The following ADAD1 variants were observed in gnomAD, a reference collection of about 807,000 sequenced individuals.
The protein encoded by ADAD1 is adenosine deaminase domain-containing protein 1.
A neutral mutation model predicts 66.8 loss-of-function variants in ADAD1; 46 were observed. The observed-to-expected ratio is 0.69, with a 90% CI of 0.54 to 0.88. ADAD1 has a LOEUF of 0.88. Among genes scored for constraint, ADAD1 ranks in the 40% least tolerant of loss-of-function variants. The pLI is 0.00. For synonymous variants in ADAD1, 248 were observed against 229.4 expected, an observed-to-expected ratio of 1.08 and a Z score of -0.73; for missense variants, 617 against 681.8, an observed-to-expected ratio of 0.91 and a Z score of 1.06.
intron 12 of ADAD1, among the ~76,000 whole-genome samples, chr4:122,429,047 T>C (rs763165597): frequency 6.6e-6 from 1 of 152,152 alleles, no homozygotes; most frequent in South Asian, 2.1e-4. Flanking sequence ...TTACCGATAA[T>C]TTTTATTTCC....
In ADAD1 at chr4:122,415,537, A is replaced by G. The variant is rs765544923; in HGVS notation, c.1408A>G (p.Lys470Glu). The change falls in exon 11 of 13, where the codon AAA (lysine) becomes GAA (glutamate). Residue 470 changes from lysine to glutamate, a missense_variant. Transcript: ENST00000296513. The part of the protein sequence containing the change: ...AYPLQMNLEY[K>E]FLSLNWAQGD... The stretch of plus-strand genomic sequence containing the variant: ...TCCCCTTCAAATGAACTTGGAATAT[A>G]AATTTCTGAGTCTGAATTGGGCACA... 5.0e-6 allele frequency: 8 copies of G among 1,613,964 alleles called. No individual in the cohort carries two copies. Among genetic ancestry groups the G allele is most frequent in the Non-Finnish European group, 6.8e-6 (8 of 1,179,864 alleles).
chr4:122,405,950 A>G (rs1001762428), intron 7 of ADAD1, among the ~76,000 whole-genome samples: 6 of 152,106 alleles, frequency 3.9e-5, no homozygotes, highest in Admixed American at 1.3e-4. Context: ...TCCATTATAT[A>G]TATGTCATGG....
chr4:122,391,668 G>C (rs1338467964), intron 5 of ADAD1, among the ~76,000 whole-genome samples: 4 of 152,188 alleles, frequency 2.6e-5, no homozygotes, highest in Non-Finnish European at 5.9e-5. Flanking sequence ...CGGTATGTTG[G>C]GCTGTGGGGA....
At chr4:122,422,785 C>A (rs62321755) in intron 12 of ADAD1, among the ~76,000 whole-genome samples, 1,915 of 151,436 alleles carry the variant, frequency 0.013, 14 homozygotes, top group Non-Finnish European at 0.021. Context: ...AGTGTGTATT[C>A]CTCACAAACT....
intron 6 of ADAD1, among the ~76,000 whole-genome samples, chr4:122,393,914 T>A (rs932248924): frequency 2.0e-5 from 3 of 152,210 alleles, no homozygotes; most frequent in African/African-American, 7.2e-5. Context: ...ACATCTTTTT[T>A]AGAATTCTTT....
chr4:122,408,061 A>C (rs997274596), intron 8 of ADAD1, 30 bp downstream of exon 8: 1 of 1,587,780 alleles, frequency 6.3e-7, no homozygotes, highest in African/African-American at 1.3e-5. Context: ...AATGTTATTA[A>C]ATATGAATGC....
chr4:122,426,233 G>A (rs1181929144), intron 12 of ADAD1, among the ~76,000 whole-genome samples: 1 of 152,052 alleles, frequency 6.6e-6, no homozygotes, highest in Admixed American at 6.6e-5. Context: ...CTGTTTGTCA[G>A]CAGACACATT....
At chr4:122,403,081 A>G (rs1328279094) in intron 7 of ADAD1, among the ~76,000 whole-genome samples, 1 of 152,178 alleles carries the variant, frequency 6.6e-6, no homozygotes, top group Non-Finnish European at 1.5e-5. Flanking sequence ...TCATATTACC[A>G]GATTTACTTT....
chr4:122,381,987 A>G (rs1794917174), intron 4 of ADAD1, among the ~76,000 whole-genome samples: 1 of 152,240 alleles, frequency 6.6e-6, no homozygotes, highest in South Asian at 2.1e-4. Flanking sequence ...TAGTAAAGAT[A>G]GTTACAGCGA....
chr4:122,416,487 G>A (rs1796739352), intron 11 of ADAD1, among the ~76,000 whole-genome samples: 1 of 152,212 alleles, frequency 6.6e-6, no homozygotes, highest in South Asian at 2.1e-4. Flanking sequence ...AGCAGTTTGG[G>A]AGGCTGAGGC....
intron 5 of ADAD1, among the ~76,000 whole-genome samples, chr4:122,392,138 G>A (rs899801037): frequency 7.2e-5 from 11 of 152,080 alleles, no homozygotes; most frequent in African/African-American, 2.7e-4. Flanking sequence ...AAATCTATCT[G>A]TCTCTGAGTT....
chr4:122,405,076 C>T (rs77070509), intron 7 of ADAD1, among the ~76,000 whole-genome samples: 4 of 152,098 alleles, frequency 2.6e-5, no homozygotes, highest in Admixed American at 6.6e-5. Context: ...ATCACCATTC[C>T]GGAACTTATA....
At chr4:122,412,874 A>C in intron 10 of ADAD1, 65 bp downstream of exon 10, 1 of 1,370,508 alleles carries the variant, frequency 7.3e-7, no homozygotes, top group Non-Finnish European at 1.0e-6. Flanking sequence ...TATTTTACTT[A>C]TCAGTATAAA....
chr4:122,427,337 G>C (rs967533357), intron 12 of ADAD1, among the ~76,000 whole-genome samples: 7 of 152,096 alleles, frequency 4.6e-5, no homozygotes, highest in Non-Finnish European at 7.4e-5. Context: ...AAACATAGAT[G>C]AGAGAAATTG....
At chr4:122,424,508 A>T (rs1168257573) in intron 12 of ADAD1, among the ~76,000 whole-genome samples, 1 of 152,212 alleles carries the variant, frequency 6.6e-6, no homozygotes, top group Admixed American at 6.5e-5. Context: ...GCCAGTATGA[A>T]TCTGAAATCA....
intron 12 of ADAD1, among the ~76,000 whole-genome samples, chr4:122,421,695 A>G (rs565013403): frequency 2.2e-4 from 33 of 152,226 alleles, no homozygotes; most frequent in Middle Eastern, 3.4e-3. Flanking sequence ...TATTCTGTAT[A>G]TGGTATTAAT....
chr4:122,412,522 A>G, intron 9 of ADAD1, 58 bp from the exon 10 acceptor site: 1 of 1,403,668 alleles, frequency 7.1e-7, no homozygotes, highest in Non-Finnish European at 9.9e-7. Flanking sequence ...AGGTACAGGT[A>G]GATTTTGTTC....
chr4:122,404,962 T>C (rs1796141545), intron 7 of ADAD1, among the ~76,000 whole-genome samples: 1 of 152,156 alleles, frequency 6.6e-6, no homozygotes, highest in Non-Finnish European at 1.5e-5. Context: ...TTTCCGGCAA[T>C]AACAAACAAG....
At chr4:122,422,979 AGAAG>A (rs1184065301) in intron 12 of ADAD1, among the ~76,000 whole-genome samples, 77 of 134,140 alleles carry the variant, frequency 5.7e-4, no homozygotes, top group African/African-American at 2.3e-3. Flanking sequence ...AAAAAAAAAA[AGAAG>A]AAGAAGAAGA....
Sources: allele counts gnomAD v4.1 joint callset (sites outside exome capture counted in the v4.1 genomes callset), GRCh38; gene constraint gnomAD v4.1.1; transcripts MANE v1.5; gene names NCBI Gene and HGNC (gene_info 2026-07-23, HGNC 2026-07-21).